The following CCSER1 variants were observed in gnomAD, a reference collection of about 807,000 sequenced individuals.
The protein encoded by CCSER1 is serine-rich coiled-coil domain-containing protein 1.
CCSER1 carries 41 observed loss-of-function variants against 82.0 expected under a neutral mutation model. The ratio of observed to expected loss-of-function variants is 0.50; its 90% confidence interval spans 0.39 to 0.65. CCSER1 has a LOEUF of 0.65. CCSER1 is among the 30% of genes least tolerant of loss of function. The pLI is 0.00. For missense variants in CCSER1, 1,119 were observed against 1,064.2 expected (o/e 1.05, Z -0.72); for synonymous variants, 414 against 383.9 (o/e 1.08, Z -0.92).
chr4:90,828,977 A>G (rs1261121375), intron 8 of CCSER1, among the ~76,000 whole-genome samples: 1 of 152,214 alleles, frequency 6.6e-6, no homozygotes, highest in East Asian at 1.9e-4. Flanking sequence ...ACTAGATGCC[A>G]AACAAGCATG....
At chr4:91,163,162 T>C (rs549897287) in intron 10 of CCSER1, among the ~76,000 whole-genome samples, 1 of 152,242 alleles carries the variant, frequency 6.6e-6, no homozygotes, top group Non-Finnish European at 1.5e-5. Context: ...AAAGAACATC[T>C]TTATTTCTGC....
chr4:90,433,192 C>T (rs1758541522), intron 4 of CCSER1, among the ~76,000 whole-genome samples: 1 of 152,092 alleles, frequency 6.6e-6, no homozygotes, highest in Admixed American at 6.6e-5. Flanking sequence ...GATTTTTGTG[C>T]ATTAGCGCCC....
At chr4:90,708,711 T>A (rs1237681740) in intron 6 of CCSER1, among the ~76,000 whole-genome samples, 1 of 152,206 alleles carries the variant, frequency 6.6e-6, no homozygotes, top group Non-Finnish European at 1.5e-5. Flanking sequence ...TTTCTTCAAG[T>A]GGTTCTTGTG....
At chr4:90,648,329 G>GAAAGAAAGAA (rs1560879729) in intron 6 of CCSER1, among the ~76,000 whole-genome samples, 2 of 151,282 alleles carry the variant, frequency 1.3e-5, no homozygotes, top group Admixed American at 6.6e-5. Flanking sequence ...AAGAAAGAAA[G>GAAAGAAAGAA]AAAGAAAGAA....
At chr4:90,475,376 C>G (rs1578663774) in intron 5 of CCSER1, among the ~76,000 whole-genome samples, 1 of 152,160 alleles carries the variant, frequency 6.6e-6, no homozygotes, top group South Asian at 2.1e-4. Context: ...AGGGTGGAAG[C>G]AGCATCTGAG....
At chr4:91,489,597 G>GAGTT (rs1758404291) in intron 10 of CCSER1, among the ~76,000 whole-genome samples, 1 of 152,016 alleles carries the variant, frequency 6.6e-6, no homozygotes, top group South Asian at 2.1e-4. Context: ...CTGAGGTCAG[G>GAGTT]AGTTAGAGAC....
At chr4:91,389,626 G>A (rs2149348067) in intron 10 of CCSER1, among the ~76,000 whole-genome samples, 1 of 151,890 alleles carries the variant, frequency 6.6e-6, no homozygotes, top group Non-Finnish European at 1.5e-5. Flanking sequence ...ACAACTTGCT[G>A]AGATTTCGGT....
intron 2 of CCSER1, among the ~76,000 whole-genome samples, chr4:90,311,559 A>G (rs1406020844): frequency 1.3e-5 from 2 of 152,196 alleles, no homozygotes; most frequent in African/African-American, 2.4e-5. Flanking sequence ...AAAACAGCTA[A>G]GTAAATGTAT....
intron 9 of CCSER1, among the ~76,000 whole-genome samples, chr4:90,996,343 G>T (rs1581286942): frequency 6.6e-6 from 1 of 152,036 alleles, no homozygotes; most frequent in African/African-American, 2.4e-5. Context: ...TAATAAATTT[G>T]CTGGGCTATA....
At chr4:90,433,767 A>G (rs1170710562) in intron 4 of CCSER1, among the ~76,000 whole-genome samples, 2 of 152,006 alleles carry the variant, frequency 1.3e-5, no homozygotes, top group African/African-American at 2.4e-5. Context: ...TAATAATATC[A>G]TAATTTAAAT....
At chr4:90,344,617 A>G (rs964231089) in intron 3 of CCSER1, among the ~76,000 whole-genome samples, 1 of 152,160 alleles carries the variant, frequency 6.6e-6, no homozygotes, top group Non-Finnish European at 1.5e-5. Flanking sequence ...GCCATCAAAG[A>G]TCCAGATGCT....
chr4:90,793,189 A>G (rs558496348), intron 7 of CCSER1, among the ~76,000 whole-genome samples: 1 of 152,208 alleles, frequency 6.6e-6, no homozygotes, highest in East Asian at 1.9e-4. Context: ...TTTAAATTTA[A>G]CTTTCATTTA....
intron 10 of CCSER1, among the ~76,000 whole-genome samples, chr4:91,251,518 C>T (rs1390235863): frequency 6.6e-6 from 1 of 152,074 alleles, no homozygotes; most frequent in Non-Finnish European, 1.5e-5. Flanking sequence ...GCTATACTTC[C>T]TCAAGAGATA....
At chr4:91,555,132 AT>A (rs993234224) in intron 10 of CCSER1, among the ~76,000 whole-genome samples, 2 of 150,932 alleles carry the variant, frequency 1.3e-5, no homozygotes, top group East Asian at 1.9e-4. Context: ...CTGCAAAATG[AT>A]TTTTTTTCAA....
chr4:91,197,891 CT>C lies in CCSER1; in HGVS notation c.2217+111907del, dbSNP rs879373969. On this transcript the variant is annotated intron_variant, in intron 10 of 10. Coordinates refer to ENST00000509176, the MANE Select transcript of CCSER1 (RefSeq NM_001145065.2). ...AAATTAATGAATGGAAATGCTATATCTTTTTTTTTTGTCACCATTGTTTTCC... is the reference window on the plus strand; with the variant it reads ...AAATTAATGAATGGAAATGCTATATCTTTTTTTTTGTCACCATTGTTTTCC... Among the ~76,000 whole-genome samples the C allele has an allele frequency of 5.2e-3, 773 of 147,898 alleles. 3 individuals carry two copies. The highest frequency in any genetic ancestry group is 8.5e-3 in the Non-Finnish European group (567 of 66,630).
chr4:91,045,189 G>A (rs1165785342), intron 9 of CCSER1, among the ~76,000 whole-genome samples: 2 of 152,156 alleles, frequency 1.3e-5, no homozygotes, highest in African/African-American at 4.8e-5. Flanking sequence ...TGTAAATGCA[G>A]CAGTCACTGA....
chr4:90,715,718 GCAGTGGGAAAATACT>G (rs1045557533), intron 6 of CCSER1, among the ~76,000 whole-genome samples: 1 of 151,962 alleles, frequency 6.6e-6, no homozygotes, highest in Non-Finnish European at 1.5e-5. Context: ...ATATGGTGAG[GCAGTGGGAAAATACT>G]CACTCTTAAG....
intron 10 of CCSER1, among the ~76,000 whole-genome samples, chr4:91,296,455 A>C (rs1744172487): frequency 3.3e-5 from 3 of 91,100 alleles, no homozygotes; most frequent in Admixed American, 3.2e-4. Flanking sequence ...AACATTATAT[A>C]TATATATATA....
At chr4:90,585,346 T>A (rs1781881106) in intron 5 of CCSER1, among the ~76,000 whole-genome samples, 1 of 152,212 alleles carries the variant, frequency 6.6e-6, no homozygotes, top group African/African-American at 2.4e-5. Context: ...AAATCCTTTA[T>A]GTACAGTAAA....
Sources: gnomAD v4.1 joint callset for allele counts (sites outside exome capture counted in the v4.1 genomes callset) on GRCh38, gnomAD v4.1.1 for gene constraint, MANE v1.5 for transcripts, NCBI Gene and HGNC (gene_info 2026-07-23, HGNC 2026-07-21) for gene names.